DENND1B: variants seen among roughly 807,000 people sequenced by gnomAD.
DENND1B encodes DENN domain-containing protein 1B.
A neutral mutation model predicts 90.1 loss-of-function variants in DENND1B; 59 were observed. That is an observed-to-expected ratio of 0.65 (90% confidence interval 0.53 to 0.81). The LOEUF (loss-of-function observed/expected upper bound fraction) is 0.81. DENND1B is among the 40% of genes least tolerant of loss of function. The pLI is 0.00. For synonymous variants in DENND1B, 337 were observed against 324.6 expected, an observed-to-expected ratio of 1.04 and a Z score of -0.41; for missense variants, 862 against 912.6, an observed-to-expected ratio of 0.94 and a Z score of 0.71.
At chr1:197,727,089 T>C (rs563522912) in intron 2 of DENND1B, among the ~76,000 whole-genome samples, 1 of 152,350 alleles carries the variant, frequency 6.6e-6, no homozygotes, top group East Asian at 1.9e-4. Flanking sequence ...AATGGATAAA[T>C]ATCATTAACC....
intron 14 of DENND1B, 84 bp from the exon 15 acceptor site, chr1:197,583,337 G>T: frequency 7.9e-7 from 1 of 1,272,078 alleles, no homozygotes; most frequent in Non-Finnish European, 1.1e-6. Context: ...TGTGAAGAGT[G>T]ATAGAGGAAG....
At chr1:197,558,778 A>G (rs1271398083) in intron 15 of DENND1B, among the ~76,000 whole-genome samples, 1 of 151,896 alleles carries the variant, frequency 6.6e-6, no homozygotes, top group Non-Finnish European at 1.5e-5. Context: ...AAGTGTTTTT[A>G]TCTTCCAATA....
chr1:197,546,698 GA>G, intron 17 of DENND1B, 34 bp downstream of exon 17: 1 of 1,518,960 alleles, frequency 6.6e-7, no homozygotes, highest in Non-Finnish European at 8.9e-7. Context: ...ATTTATATTA[GA>G]GTGAAAGAAT....
At chr1:197,558,358 A>T (rs756786011) in intron 15 of DENND1B, among the ~76,000 whole-genome samples, 2 of 151,768 alleles carry the variant, frequency 1.3e-5, no homozygotes, top group Non-Finnish European at 2.9e-5. Context: ...ATAATAATAC[A>T]TGTAATTCTC....
At chr1:197,685,070 A>T (rs1439762713) in intron 3 of DENND1B, among the ~76,000 whole-genome samples, 1 of 152,156 alleles carries the variant, frequency 6.6e-6, no homozygotes, top group Non-Finnish European at 1.5e-5. Context: ...GTGAGCCGAG[A>T]TCGCACCACT....
intron 18 of DENND1B, among the ~76,000 whole-genome samples, chr1:197,543,746 T>G (rs539769811): frequency 1.3e-5 from 2 of 152,312 alleles, no homozygotes; most frequent in Non-Finnish European, 2.9e-5. Context: ...ATTCTAATTT[T>G]GGGACTGTAT....
chr1:197,614,900 T>A (rs576481671), intron 11 of DENND1B, among the ~76,000 whole-genome samples: 1 of 151,018 alleles, frequency 6.6e-6, no homozygotes, highest in Non-Finnish European at 1.5e-5. Flanking sequence ...ACCTGCCATG[T>A]GTTTATGGAC....
rs189322761 is a variant in DENND1B, at chr1:197,554,595, T to G, written c.1150-1483A>C. ...TGGCTCACGCCTGTAATACCAGCGT[T>G]TTGGGAGGCCGAGGTGGAGGGATCA... On this transcript the variant is annotated intron_variant, in intron 15 of 22. Coordinates refer to ENST00000620048, the MANE Select transcript of DENND1B (RefSeq NM_001195215.2). Among the ~76,000 whole-genome samples the G allele has an allele frequency of 2.0e-5, 3 of 151,914 alleles. No individual in the cohort carries two copies. In the East Asian group the frequency reaches 5.8e-4, roughly 30 times the overall value.
chr1:197,769,161 C>T (rs1257440474), intron 2 of DENND1B, among the ~76,000 whole-genome samples: 2 of 152,178 alleles, frequency 1.3e-5, no homozygotes, highest in Non-Finnish European at 2.9e-5. Flanking sequence ...AATACATTTT[C>T]TATTTGATCA....
In DENND1B at chr1:197,576,759, C is replaced by T. The variant is rs544769367; in HGVS notation, c.1149+6393G>A. Among the ~76,000 whole-genome samples, 23 of 152,126 alleles carry T rather than the reference C, an allele frequency of 1.5e-4. No individual in the cohort carries two copies. The South Asian group carries it at 4.4e-3, about 29-fold the overall frequency. ...TTTGGATAGAAAAGTTTGAGAAATA[C>T]ACATTTTTATTACTCAATGAAAGGT... is the stretch of plus-strand genomic sequence containing the variant. On this transcript the variant is annotated intron_variant, in intron 15 of 22. Coordinates refer to ENST00000620048, the MANE Select transcript of DENND1B (RefSeq NM_001195215.2).
At chr1:197,601,861 AG>A (rs1676241341) in intron 13 of DENND1B, among the ~76,000 whole-genome samples, 1 of 151,758 alleles carries the variant, frequency 6.6e-6, no homozygotes, top group Non-Finnish European at 1.5e-5. Flanking sequence ...CTAACATTTA[AG>A]GTTTATATTT....
At chr1:197,719,272 A>C (rs1558440463) in intron 2 of DENND1B, among the ~76,000 whole-genome samples, 1 of 152,142 alleles carries the variant, frequency 6.6e-6, no homozygotes, top group Non-Finnish European at 1.5e-5. Flanking sequence ...TGACTGGTAC[A>C]GACTTGAACA....
intron 2 of DENND1B, among the ~76,000 whole-genome samples, chr1:197,769,861 T>A (rs918765451): frequency 1.3e-5 from 2 of 152,198 alleles, no homozygotes; most frequent in Non-Finnish European, 1.5e-5. Context: ...CAATAACTTT[T>A]AAAATATTTT....
intron 10 of DENND1B, among the ~76,000 whole-genome samples, chr1:197,630,928 ACT>A (rs1304167237): frequency 1.3e-5 from 2 of 152,080 alleles, no homozygotes; most frequent in Non-Finnish European, 2.9e-5. Flanking sequence ...TTACTGCTGT[ACT>A]CACCTCGTCA....
intron 14 of DENND1B, among the ~76,000 whole-genome samples, chr1:197,590,528 T>C (rs988532237): frequency 1.3e-5 from 2 of 152,156 alleles, no homozygotes; most frequent in Non-Finnish European, 2.9e-5. Context: ...TTCTCTGTAA[T>C]TAAGGGTAGG....
intron 13 of DENND1B, among the ~76,000 whole-genome samples, chr1:197,602,382 C>T (rs1229970123): frequency 6.6e-6 from 1 of 151,416 alleles, no homozygotes; most frequent in Non-Finnish European, 1.5e-5. Context: ...AAAAGCATGA[C>T]TATACTTTTC....
At chr1:197,611,030 T>C (rs1677138764) in intron 12 of DENND1B, among the ~76,000 whole-genome samples, 1 of 150,752 alleles carries the variant, frequency 6.6e-6, no homozygotes, top group Non-Finnish European at 1.5e-5. Flanking sequence ...TTTTAAAATA[T>C]ATCAACAGAC....
At chr1:197,718,589 TATG>T (rs1660864840) in intron 2 of DENND1B, among the ~76,000 whole-genome samples, 1 of 152,040 alleles carries the variant, frequency 6.6e-6, no homozygotes, top group South Asian at 2.1e-4. Context: ...AATGCATTTT[TATG>T]ATACTAGAAG....
intron 2 of DENND1B, among the ~76,000 whole-genome samples, chr1:197,762,656 A>G (rs1462282438): frequency 1.3e-5 from 2 of 152,062 alleles, no homozygotes; most frequent in African/African-American, 4.8e-5. Context: ...AGACTTGTTC[A>G]TTCTATATAT....
Sources: allele counts gnomAD v4.1 joint callset (sites outside exome capture counted in the v4.1 genomes callset), GRCh38; gene constraint gnomAD v4.1.1; transcripts MANE v1.5; gene names NCBI Gene and HGNC (gene_info 2026-07-23, HGNC 2026-07-21).